Variants in FER1L6 observed in about 807,000 individuals in gnomAD.
FER1L6 encodes fer-1 like family member 6.
A neutral mutation model predicts 219.2 loss-of-function variants in FER1L6; 177 were observed. That is an observed-to-expected ratio of 0.81 (90% CI 0.71 to 0.91). The LOEUF is 0.91. Ranked by LOEUF, FER1L6 falls within the 40% of genes least tolerant of loss-of-function variation. FER1L6 has a pLI of 0.00. For missense variants in FER1L6, 2,153 were observed against 2,259.9 expected (o/e 0.95, Z 0.96); for synonymous variants, 768 against 824.3 (o/e 0.93, Z 1.17).
At chr8:123,854,553 G>C (rs775759433) in intron 1 of FER1L6, among the ~76,000 whole-genome samples, 1 of 152,194 alleles carries the variant, frequency 6.6e-6, no homozygotes, top group Non-Finnish European at 1.5e-5. Context: ...TTGGGACAGA[G>C]GGCCAATGGA....
chr8:124,074,138 T>G (rs1401419195), intron 31 of FER1L6, among the ~76,000 whole-genome samples: 3 of 152,202 alleles, frequency 2.0e-5, no homozygotes, highest in African/African-American at 7.2e-5. Context: ...CTCTGGCCTT[T>G]CCTTAGAAAG....
At chr8:123,885,828 T>C (rs1817191597) in intron 1 of FER1L6, among the ~76,000 whole-genome samples, 1 of 152,156 alleles carries the variant, frequency 6.6e-6, no homozygotes, top group Non-Finnish European at 1.5e-5. Context: ...CAGGATGAGG[T>C]CTTAGCCAGG....
chr8:124,108,118 G>A (rs990763145), intron 39 of FER1L6, among the ~76,000 whole-genome samples: 2 of 152,150 alleles, frequency 1.3e-5, no homozygotes, highest in African/African-American at 2.4e-5. Flanking sequence ...TCAGCTACTT[G>A]GGGTGCCGAG....
At chr8:123,867,887 A>T (rs1816861251) in intron 1 of FER1L6, among the ~76,000 whole-genome samples, 2 of 152,230 alleles carry the variant, frequency 1.3e-5, no homozygotes, top group African/African-American at 4.8e-5. Context: ...CCAGATCAAG[A>T]TGCAGAACAT....
At chr8:124,034,238 C>T (rs1328170327) in intron 18 of FER1L6, among the ~76,000 whole-genome samples, 2 of 151,966 alleles carry the variant, frequency 1.3e-5, no homozygotes, top group African/African-American at 4.8e-5. Flanking sequence ...GAGTTGACAA[C>T]ATTTTGAGAG....
At chr8:124,058,807 A>T (rs1274471980) in intron 22 of FER1L6, 9 of 152,200 alleles carry the variant, frequency 5.9e-5, no homozygotes, top group Admixed American at 5.9e-4. Context: ...GCCAGGCAGT[A>T]TTGGGCATTG....
rs1407937070 is a variant in FER1L6, at chr8:124,024,670, A to T, written c.2286+1074A>T. Among the ~76,000 whole-genome samples, 3 of 152,218 alleles carry T rather than the reference A, an allele frequency of 2.0e-5. No individual in the cohort carries two copies. The South Asian group carries it at 6.2e-4, about 31-fold the overall frequency. Reference sequence around the variant, plus strand: ...TTTTGAATTGTGCTACAATAAACATATACGTGCTGGTGTCTTTTTGATCTT... The same window carrying T: ...TTTTGAATTGTGCTACAATAAACATTTACGTGCTGGTGTCTTTTTGATCTT... On this transcript the variant is annotated intron_variant, in intron 18 of 40. Transcript: ENST00000522917.
rs558377906 is a variant in FER1L6, at chr8:123,892,374, T to TC, written c.-8+40191dup. Among the ~76,000 whole-genome samples, 303 of 152,138 alleles carry TC rather than the reference T, an allele frequency of 2.0e-3. 1 individual carries two copies. The highest frequency in any genetic ancestry group is 7.2e-3 in the African/African-American group (300 of 41,500). On this transcript the variant is annotated intron_variant, in intron 1 of 40. Transcript: ENST00000522917. ...TGGCATGATCTTGGCTCACTGCAAC[T>TC]CCTGCCTCCTGGGTTCAAGTGATTC...
At chr8:124,009,896 T>C (rs909321073) in intron 13 of FER1L6, among the ~76,000 whole-genome samples, 44 of 151,518 alleles carry the variant, frequency 2.9e-4, no homozygotes, top group African/African-American at 1.0e-3. Flanking sequence ...GTCAGGTAGC[T>C]GGCAACCCGG....
At position 123,966,022 on chromosome 8, in the gene FER1L6, T is replaced by G. The variant is rs780695698; in HGVS notation, c.213T>G (p.Thr71=). 1.2e-6 allele frequency: 2 copies of G among 1,613,584 alleles called. No homozygotes were observed. The highest frequency in any genetic ancestry group is 1.7e-6 in the Non-Finnish European group (2 of 1,179,680). The change falls in exon 4 of 41, where the codon ACT becomes ACG. Residue 71 remains threonine, a synonymous_variant. Transcript: ENST00000522917. ...ASPKRRSKLL[T]KIHDGEVRSQ... is the part of the protein sequence containing the mutation. ...CTTTTAATAGATCAAAACTGTTGAC[T>G]AAGATCCATGATGGGGAGGTCAGAT...
intron 1 of FER1L6, among the ~76,000 whole-genome samples, chr8:123,898,812 T>TATACATATGCGTATATATATAC (rs1812806278): frequency 7.2e-6 from 1 of 138,494 alleles, no homozygotes; most frequent in Non-Finnish European, 1.5e-5. Context: ...TACACATATA[T>TATACATATGCGTATATATATAC]ATACATATGT....
chr8:123,928,971 G>A (rs187148057), intron 1 of FER1L6, among the ~76,000 whole-genome samples: 3 of 152,132 alleles, frequency 2.0e-5, no homozygotes, highest in Non-Finnish European at 4.4e-5. Flanking sequence ...AGTGAAATAG[G>A]TATTATTATG....
intron 1 of FER1L6, among the ~76,000 whole-genome samples, chr8:123,914,821 G>T (rs16899040): frequency 0.33 from 50,042 of 151,916 alleles, 8,764 homozygotes; most frequent in East Asian, 0.45. Context: ...AGAAAAAGTG[G>T]GCCAGGAGGG....
intron 1 of FER1L6, among the ~76,000 whole-genome samples, chr8:123,856,318 A>G (rs9772838): frequency 0.26 from 16,575 of 63,812 alleles, 3,928 homozygotes; most frequent in Middle Eastern, 0.32. Context: ...ATGTATGTGT[A>G]TATATATATA....
intron 34 of FER1L6, 152 bp from the exon 35 acceptor site, chr8:124,094,744 C>T: frequency 1.2e-6 from 1 of 844,964 alleles, no homozygotes; most frequent in Non-Finnish European, 1.9e-6. Context: ...ACCTTGGCCT[C>T]CCAAAGTGCT....
In FER1L6 at chr8:124,064,512, C is replaced by T. The variant is rs779589889; in HGVS notation, c.3494C>T (p.Pro1165Leu). The change falls in exon 26 of 41, where the codon CCG (proline) becomes CTG (leucine). Residue 1165 changes from proline to leucine, a missense_variant. Pro to Leu is a moderately conservative substitution (Grantham distance 98, BLOSUM62 -3). Transcript: ENST00000522917. ...AILVDVPDSS[P>L]MLEPEHTPVA... ...CTGGTTGACGTCCCTGACTCATCCC[C>T]GATGCTGGAGCCTGAACACACACCT... 32 of 1,613,824 alleles carry T rather than the reference C, an allele frequency of 2.0e-5. 1 individual carries two copies. The East Asian group carries it at 2.0e-4, about 10-fold the overall frequency.
At position 124,096,165 on chromosome 8, in the gene FER1L6, C is replaced by G. The variant is rs191136048; in HGVS notation, c.4696-1106C>G. 1.2e-3 allele frequency among the ~76,000 whole-genome samples: 184 copies of G among 152,284 alleles called. 1 individual carries two copies. Among genetic ancestry groups the G allele is most frequent in the African/African-American group, 4.1e-3 (172 of 41,538 alleles). ...CAGATGTAGAAGCTTATGATTGTTTCCTGAAATTCACTGCCAGGTGTTTGA... is the reference window on the plus strand; with the variant it reads ...CAGATGTAGAAGCTTATGATTGTTTGCTGAAATTCACTGCCAGGTGTTTGA... On this transcript the variant is annotated intron_variant, in intron 35 of 40. Coordinates refer to ENST00000522917, the MANE Select transcript of FER1L6 (RefSeq NM_001039112.2).
rs979600223 is a variant in FER1L6 at position 124,111,929 on chromosome 8, T to C, written c.5290-6915T>C. Among the ~76,000 whole-genome samples the C allele has an allele frequency of 1.1e-4, 17 of 152,098 alleles. No individual in the cohort carries two copies. The highest frequency in any genetic ancestry group is 4.6e-4 in the Admixed American group (7 of 15,288). Reference sequence around the variant, plus strand: ...CATTGTACCCAGCTCCTATTCAAGATGGAGTTGCTCTGGTTCAAATGCCTC... The same window carrying C: ...CATTGTACCCAGCTCCTATTCAAGACGGAGTTGCTCTGGTTCAAATGCCTC... On this transcript the variant is annotated intron_variant, in intron 39 of 40. Coordinates refer to ENST00000522917, the MANE Select transcript of FER1L6 (RefSeq NM_001039112.2). This position sits in a 1 kb window ranked among gnomAD's most constrained non-coding sequence, Gnocchi z 5.0.
chr8:123,890,946 G>A (rs1222211500), intron 1 of FER1L6, among the ~76,000 whole-genome samples: 1 of 151,796 alleles, frequency 6.6e-6, no homozygotes, highest in Non-Finnish European at 1.5e-5. Flanking sequence ...TTTCCTTTAG[G>A]TAATGAAGAA....
Sources: gnomAD v4.1 joint callset for allele counts (sites outside exome capture counted in the v4.1 genomes callset) on GRCh38, gnomAD v4.1.1 for gene constraint, Gnocchi (gnomAD v3.1) non-coding constraint, MANE v1.5 for transcripts, NCBI Gene and HGNC (gene_info 2026-07-23, HGNC 2026-07-21) for gene names.